Variants in CPQ observed in about 807,000 individuals in gnomAD.
CPQ encodes the protein Ser-Met dipeptidase.
In CPQ, 37 loss-of-function variants were observed where a neutral mutation model predicts 45.7. That is an observed-to-expected ratio of 0.81 (90% CI 0.62 to 1.07). CPQ has a LOEUF of 1.07. Ranked by LOEUF, CPQ falls within the 50% of genes least tolerant of loss-of-function variation. The probability of loss-of-function intolerance (pLI) is 0.00; values close to 1 mark genes in which losing one functional copy is unlikely to be tolerated. For missense variants in CPQ, 537 were observed against 572.9 expected (o/e 0.94, Z 0.64); for synonymous variants, 186 against 205.8 (o/e 0.90, Z 0.82).
intron 5 of CPQ, among the ~76,000 whole-genome samples, chr8:96,986,584 TG>T (rs2130397099): frequency 6.6e-6 from 1 of 152,262 alleles, no homozygotes; most frequent in Non-Finnish European, 1.5e-5. Context: ...CACACCCAGC[TG>T]GGCTTACTCT....
intron 7 of CPQ, among the ~76,000 whole-genome samples, chr8:97,076,088 C>T (rs558406437): frequency 1.2e-3 from 181 of 152,254 alleles, no homozygotes; most frequent in South Asian, 3.3e-3. Context: ...TGCAGTAGCA[C>T]GATCTCAGCT....
chr8:96,669,473 T>A (rs560537488), intron 1 of CPQ, among the ~76,000 whole-genome samples: 1 of 152,156 alleles, frequency 6.6e-6, no homozygotes, highest in Non-Finnish European at 1.5e-5. Context: ...CCTGCAGTAG[T>A]GTCAGAGAAA....
chr8:96,884,931 AAGG>A (rs1219990233), intron 4 of CPQ, among the ~76,000 whole-genome samples: 2 of 152,338 alleles, frequency 1.3e-5, no homozygotes, highest in Admixed American at 1.3e-4. Flanking sequence ...ATCTCTATAA[AAGG>A]AGAAGGTCTG....
chr8:96,863,611 A>T (rs989957124), intron 3 of CPQ, among the ~76,000 whole-genome samples: 2 of 152,070 alleles, frequency 1.3e-5, no homozygotes, highest in East Asian at 1.9e-4. Flanking sequence ...TAGGTTTCTC[A>T]TAGTCAAGAA....
At chr8:96,997,711 TAATGGTC>T (rs1208454161) in intron 5 of CPQ, among the ~76,000 whole-genome samples, 1 of 152,030 alleles carries the variant, frequency 6.6e-6, no homozygotes, top group Non-Finnish European at 1.5e-5. Flanking sequence ...GATATGGCAT[TAATGGTC>T]ATTTCACTTG....
chr8:97,009,747 G>A (rs1008149078), intron 5 of CPQ, among the ~76,000 whole-genome samples: 4 of 152,156 alleles, frequency 2.6e-5, no homozygotes, highest in African/African-American at 9.7e-5. Context: ...TCTAGTGAGG[G>A]AGTAACGAGT....
chr8:97,074,433 C>T (rs1194198540), intron 7 of CPQ, among the ~76,000 whole-genome samples: 2 of 152,088 alleles, frequency 1.3e-5, no homozygotes, highest in Admixed American at 6.6e-5. Context: ...ACAAGAAAGA[C>T]GTGGAAGAGA....
chr8:96,725,668 A>G (rs934245933), intron 1 of CPQ, among the ~76,000 whole-genome samples: 2 of 152,250 alleles, frequency 1.3e-5, no homozygotes, highest in African/African-American at 2.4e-5. Flanking sequence ...TGTGGAAAGC[A>G]GTTTGGAAAT....
At chr8:96,986,245 T>C (rs1283005043) in intron 5 of CPQ, among the ~76,000 whole-genome samples, 1 of 152,214 alleles carries the variant, frequency 6.6e-6, no homozygotes, top group African/African-American at 2.4e-5. Flanking sequence ...AGGAGTATCA[T>C]ACAAAACTCT....
intron 4 of CPQ, among the ~76,000 whole-genome samples, chr8:96,940,680 T>C (rs1813113383): frequency 6.6e-6 from 1 of 152,200 alleles, no homozygotes; most frequent in East Asian, 1.9e-4. Context: ...TACTGAGTAT[T>C]TGCTAAATGA....
At chr8:96,923,660 G>T (rs1236964695) in intron 4 of CPQ, among the ~76,000 whole-genome samples, 1 of 152,028 alleles carries the variant, frequency 6.6e-6, no homozygotes, top group Non-Finnish European at 1.5e-5. Flanking sequence ...CATTTCCCTG[G>T]CCAAGCTAGG....
intron 2 of CPQ, among the ~76,000 whole-genome samples, chr8:96,798,432 C>T (rs188269980): frequency 6.6e-6 from 1 of 152,236 alleles, no homozygotes; most frequent in African/African-American, 2.4e-5. Flanking sequence ...GCCACCATGC[C>T]CAGCCCCTAG....
intron 1 of CPQ, among the ~76,000 whole-genome samples, chr8:96,732,865 A>G (rs907131491): frequency 4.6e-5 from 7 of 152,220 alleles, no homozygotes; most frequent in African/African-American, 1.7e-4. Flanking sequence ...TTGAAAGGCT[A>G]TGCCCTTTAG....
intron 4 of CPQ, among the ~76,000 whole-genome samples, chr8:96,927,942 C>T (rs1032047993): frequency 2.0e-5 from 3 of 152,172 alleles, no homozygotes; most frequent in African/African-American, 7.2e-5. Context: ...ATTCCTCCAC[C>T]TTGCCCTGCT....
At chr8:96,857,807 A>C (rs531591897) in intron 3 of CPQ, among the ~76,000 whole-genome samples, 1 of 152,202 alleles carries the variant, frequency 6.6e-6, no homozygotes, top group Non-Finnish European at 1.5e-5. Flanking sequence ...TTGATCAGAA[A>C]GCAGACTGGG....
chr8:96,759,858 C>T (rs1018303169), intron 1 of CPQ, among the ~76,000 whole-genome samples: 1 of 152,124 alleles, frequency 6.6e-6, no homozygotes, highest in Admixed American at 6.6e-5. Flanking sequence ...ATATTAGGCT[C>T]TCTGTATATA....
chr8:96,980,432 C>T (rs2130387283), intron 5 of CPQ, among the ~76,000 whole-genome samples: 1 of 152,244 alleles, frequency 6.6e-6, no homozygotes, highest in South Asian at 2.1e-4. Flanking sequence ...CGTGCCCAGC[C>T]TAAATTATTT....
chr8:97,039,885 T>A (rs1399780669), intron 6 of CPQ, among the ~76,000 whole-genome samples: 2 of 151,610 alleles, frequency 1.3e-5, no homozygotes, highest in African/African-American at 2.4e-5. Context: ...TCTATCATTG[T>A]TGGACATTTG....
chr8:97,107,070 C>G (rs1376677385), intron 7 of CPQ, among the ~76,000 whole-genome samples: 1 of 152,106 alleles, frequency 6.6e-6, no homozygotes, highest in African/African-American at 2.4e-5. Flanking sequence ...GCTACTGACT[C>G]TAATAGCAGA....
Sources: gnomAD v4.1 joint callset for allele counts (sites outside exome capture counted in the v4.1 genomes callset) on GRCh38, gnomAD v4.1.1 for gene constraint, MANE v1.5 for transcripts, NCBI Gene and HGNC (gene_info 2026-07-23, HGNC 2026-07-21) for gene names.